Variants in NPSR1 observed in about 807,000 individuals in gnomAD.
NPSR1 encodes the protein neuropeptide S receptor 1.
A neutral mutation model predicts 46.9 loss-of-function variants in NPSR1; 48 were observed. That is an observed-to-expected ratio of 1.02 (90% CI 0.81 to 1.30). The LOEUF is 1.30. NPSR1 is among the 50% of genes most tolerant of loss of function. The pLI is 0.00. For synonymous variants in NPSR1, 176 were observed against 168.1 expected (o/e 1.05, Z -0.36); for missense variants, 450 against 449.5 (o/e 1.00, Z -0.01).
At chr7:34,749,555 T>C (rs1434218785) in intron 2 of NPSR1, among the ~76,000 whole-genome samples, 1 of 152,140 alleles carries the variant, frequency 6.6e-6, no homozygotes, top group Non-Finnish European at 1.5e-5. Context: ...TGGCAAACAA[T>C]GGATTCAGAT....
intron 2 of NPSR1, among the ~76,000 whole-genome samples, chr7:34,716,361 G>A (rs1255467828): frequency 6.6e-6 from 1 of 152,074 alleles, no homozygotes; most frequent in East Asian, 1.9e-4. Context: ...AACATTATTG[G>A]GCAATCACTG....
intron 8 of NPSR1, among the ~76,000 whole-genome samples, chr7:34,856,148 A>AGCTAAGGGGAGCCTTGGC (rs1562775048): frequency 2.6e-4 from 39 of 151,960 alleles, no homozygotes; most frequent in African/African-American, 8.7e-4. Flanking sequence ...AATCCTAGTC[A>AGCTAAGGGGAGCCTTGGC]ATGTAGTAAA....
intron 2 of NPSR1, among the ~76,000 whole-genome samples, chr7:34,763,413 C>A (rs1786272772): frequency 6.6e-6 from 1 of 152,094 alleles, no homozygotes; most frequent in Non-Finnish European, 1.5e-5. Context: ...ATTTACCAAG[C>A]TGTTACTATG....
chr7:34,675,270 T>C (rs189891708), intron 1 of NPSR1, among the ~76,000 whole-genome samples: 79 of 152,330 alleles, frequency 5.2e-4, no homozygotes, highest in Non-Finnish European at 9.8e-4. Context: ...CAGTAAGCCA[T>C]GTACTGGATT....
chr7:34,876,380 A>G (rs1791574045), intron 8 of NPSR1, among the ~76,000 whole-genome samples: 1 of 152,220 alleles, frequency 6.6e-6, no homozygotes, highest in Non-Finnish European at 1.5e-5. Context: ...ACGTGGTGAT[A>G]TGCCAATGAA....
In NPSR1 at chr7:34,878,083, C is replaced by G. The variant is rs778445971; in HGVS notation, c.1033C>G (p.Arg345Gly). Residue 345 changes from arginine (R) to glycine (G), a missense_variant, in exon 9 of 9, where the codon CGT becomes GGT. Coordinates refer to the NPSR1 transcript ENST00000359791. ...GCCTTTCTTCTTTCCCAGGGTCATC[C>G]GTCTCCGTCAGCTCCAGGAGGCTGC... 5 of 1,604,148 alleles carry G rather than the reference C, an allele frequency of 3.1e-6. No individual in the cohort carries two copies. In the East Asian group the frequency reaches 9.0e-5, roughly 29 times the overall value.
chr7:34,779,489 A>G, intron 3 of NPSR1: 4 of 684,538 alleles, frequency 5.8e-6, no homozygotes, highest in Non-Finnish European at 8.6e-6. Context: ...GGATCTTTGT[A>G]TATATATTCA....
chr7:34,693,221 A>C (rs2128690984), intron 2 of NPSR1, among the ~76,000 whole-genome samples: 1 of 152,290 alleles, frequency 6.6e-6, no homozygotes, highest in South Asian at 2.1e-4. Flanking sequence ...AGCCTGCAGA[A>C]CTATGAGCCA....
chr7:34,747,489 C>T (rs1003411163), intron 2 of NPSR1, among the ~76,000 whole-genome samples: 2 of 152,166 alleles, frequency 1.3e-5, no homozygotes, highest in African/African-American at 4.8e-5. Flanking sequence ...CCCAAGAAGG[C>T]CCTGCATTTG....
At chr7:34,807,634 G>A (rs1788768139) in intron 3 of NPSR1, among the ~76,000 whole-genome samples, 1 of 151,776 alleles carries the variant, frequency 6.6e-6, no homozygotes, top group Non-Finnish European at 1.5e-5. Context: ...TAAGTGATGT[G>A]GTTTAAAATT....
At chr7:34,784,312 C>T (rs953834348) in intron 3 of NPSR1, among the ~76,000 whole-genome samples, 1 of 152,062 alleles carries the variant, frequency 6.6e-6, no homozygotes, top group African/African-American at 2.4e-5. Flanking sequence ...ATGATATTGG[C>T]TGTGGGTTTG....
intron 1 of NPSR1, among the ~76,000 whole-genome samples, chr7:34,672,560 A>T (rs1278962687): frequency 6.6e-6 from 1 of 152,310 alleles, no homozygotes; most frequent in Non-Finnish European, 1.5e-5. Context: ...TCTACGGCCC[A>T]TGGTACTGAT....
chr7:34,766,929 A>G (rs1178209663), intron 2 of NPSR1, among the ~76,000 whole-genome samples: 1 of 152,178 alleles, frequency 6.6e-6, no homozygotes, highest in Non-Finnish European at 1.5e-5. Context: ...AATTCCATTT[A>G]CGTAAGATTC....
At chr7:34,830,097 G>A (rs1306107047) in intron 5 of NPSR1, among the ~76,000 whole-genome samples, 2 of 152,372 alleles carry the variant, frequency 1.3e-5, no homozygotes, top group East Asian at 3.9e-4. Flanking sequence ...CCCTGGGGGG[G>A]CGAGTTTTGT....
chr7:34,777,092 T>C (rs574389008), intron 2 of NPSR1, among the ~76,000 whole-genome samples: 1 of 152,244 alleles, frequency 6.6e-6, no homozygotes, highest in South Asian at 2.1e-4. Context: ...GGTATCTCAG[T>C]AGTCCATGTG....
At chr7:34,747,133 A>C (rs1044247564) in intron 2 of NPSR1, among the ~76,000 whole-genome samples, 10 of 149,398 alleles carry the variant, frequency 6.7e-5, no homozygotes, top group Non-Finnish European at 1.0e-4. Flanking sequence ...AAAAAACAAA[A>C]AAAAAAAAAA....
chr7:34,678,799 C>T (rs941665923), intron 1 of NPSR1, among the ~76,000 whole-genome samples: 2 of 147,078 alleles, frequency 1.4e-5, no homozygotes, highest in African/African-American at 2.6e-5. Flanking sequence ...GCACTCCAGC[C>T]TGGGTGACAG....
At chr7:34,663,100 G>A (rs1297018263) in intron 1 of NPSR1, among the ~76,000 whole-genome samples, 3 of 87,780 alleles carry the variant, frequency 3.4e-5, no homozygotes, top group Admixed American at 1.0e-4. Flanking sequence ...TGTGGCGGGG[G>A]GGAGTGGGGG....
chr7:34,867,657 A>T (rs1237327923), intron 8 of NPSR1, among the ~76,000 whole-genome samples: 3 of 151,874 alleles, frequency 2.0e-5, no homozygotes, highest in Non-Finnish European at 4.4e-5. Context: ...GGGATGATTG[A>T]TTTTTGCTCT....
Sources: gnomAD v4.1 joint callset for allele counts (sites outside exome capture counted in the v4.1 genomes callset) on GRCh38, gnomAD v4.1.1 for gene constraint, MANE v1.5 for transcripts, NCBI Gene and HGNC (gene_info 2026-07-23, HGNC 2026-07-21) for gene names.